BCAS3: variants seen among roughly 807,000 people sequenced by gnomAD.
BCAS3 encodes BCAS3 microtubule associated cell migration factor.
A neutral mutation model predicts 116.1 loss-of-function variants in BCAS3; 53 were observed. That is an observed-to-expected ratio of 0.46 (90% CI 0.37 to 0.57). The LOEUF (loss-of-function observed/expected upper bound fraction) is 0.57. Among genes scored for constraint, BCAS3 ranks in the 20% least tolerant of loss-of-function variants. The probability of loss-of-function intolerance (pLI) is 0.00; values close to 1 mark genes in which losing one functional copy is unlikely to be tolerated. For missense variants in BCAS3, 917 were observed against 1,165.4 expected (o/e 0.79, Z 3.10); for synonymous variants, 391 against 408.2 (o/e 0.96, Z 0.51).
In BCAS3 at chr17:61,132,284, G is replaced by A. The variant is rs8081925; in HGVS notation, c.2425+47720G>A. 0.019 allele frequency among the ~76,000 whole-genome samples: 2,896 copies of A among 152,220 alleles called. 95 individuals carry two copies. Among genetic ancestry groups the A allele is most frequent in the African/African-American group, 0.065 (2,690 of 41,518 alleles). On this transcript the variant is annotated intron_variant, in intron 22 of 23. Coordinates refer to ENST00000407086, the MANE Select transcript of BCAS3 (RefSeq NM_017679.5). This position sits in a 1 kb window ranked among gnomAD's most constrained non-coding sequence, Gnocchi z 5.1. ...CACTTGGTAATTTTAAACACAACCA[G>A]GTCAAAAGTTTCAAATCTAGTGTTA...
At chr17:61,296,156 A>C (rs2144722721) in intron 22 of BCAS3, among the ~76,000 whole-genome samples, 1 of 152,330 alleles carries the variant, frequency 6.6e-6, no homozygotes, top group South Asian at 2.1e-4. Context: ...AATGTGTATC[A>C]TTACCATAAG....
At chr17:60,879,026 C>T (rs1034754859) in intron 9 of BCAS3, among the ~76,000 whole-genome samples, 4 of 152,016 alleles carry the variant, frequency 2.6e-5, no homozygotes, top group African/African-American at 7.3e-5. Flanking sequence ...GAATCCCATG[C>T]CTGTAAGCTG....
intron 3 of BCAS3, among the ~76,000 whole-genome samples, chr17:60,686,651 G>C (rs995981398): frequency 9.2e-5 from 14 of 151,920 alleles, no homozygotes; most frequent in Non-Finnish European, 1.8e-4. Context: ...TCAGCCTCCT[G>C]AGTAGCTGGG....
At chr17:60,924,334 C>T (rs2059257014) in intron 12 of BCAS3, 73 bp from the exon 13 acceptor site, 11 of 1,291,832 alleles carry the variant, frequency 8.5e-6, no homozygotes, top group Non-Finnish European at 1.2e-5. Flanking sequence ...TGTGATGTGC[C>T]TTCTTATAGG....
At chr17:60,853,685 T>A (rs1351289068) in intron 7 of BCAS3, among the ~76,000 whole-genome samples, 1 of 152,214 alleles carries the variant, frequency 6.6e-6, no homozygotes, top group African/African-American at 2.4e-5. Context: ...CATGAGGCCA[T>A]AAGTGGTCAA....
chr17:61,340,286 G>A (rs916404993), intron 22 of BCAS3, among the ~76,000 whole-genome samples: 1 of 149,854 alleles, frequency 6.7e-6, no homozygotes, highest in Non-Finnish European at 1.5e-5. Context: ...ATACATGGAG[G>A]GATTGACCTT....
At chr17:60,885,741 AT>A (rs1390574626) in intron 9 of BCAS3, among the ~76,000 whole-genome samples, 1 of 146,480 alleles carries the variant, frequency 6.8e-6, no homozygotes, top group Non-Finnish European at 1.5e-5. Flanking sequence ...TGGGTTGAAA[AT>A]TCTTTTCTTT....
chr17:60,878,003 C>CT lies in BCAS3; in HGVS notation c.661+3274dup, dbSNP rs947863417. Among the ~76,000 whole-genome samples, 9 of 134,110 alleles carry CT rather than the reference C, an allele frequency of 6.7e-5. No individual in the cohort carries two copies. The South Asian group carries it at 8.7e-4, about 13-fold the overall frequency. The allele number at this position is 134,110 out of a possible 152,430, so 88.0% of individuals were successfully genotyped here. Reference sequence around the variant, plus strand: ...ACTATGTATATAAGCCCAGTAATGTCTTTTTTTTTCTTTTTTTTTTTTTTG... The same window carrying CT: ...ACTATGTATATAAGCCCAGTAATGTCTTTTTTTTTTCTTTTTTTTTTTTTTG... On this transcript the variant is annotated intron_variant, in intron 9 of 23. Transcript: ENST00000407086.
chr17:61,232,100 G>A (rs1158358111), intron 22 of BCAS3, among the ~76,000 whole-genome samples: 2 of 148,182 alleles, frequency 1.3e-5, no homozygotes, highest in African/African-American at 4.9e-5. Flanking sequence ...AGCTACTCGG[G>A]AGACTGAGGC....
In BCAS3 at chr17:61,381,831, C is replaced by T. The variant is rs2059618315; in HGVS notation, c.2594-10146C>T. 6.6e-6 allele frequency among the ~76,000 whole-genome samples: 1 copy of T among 152,090 alleles called. No individual in the cohort carries two copies. The highest frequency in any genetic ancestry group is 2.4e-5 in the African/African-American group (1 of 41,414). ...CTGTGAGCAGCATGTGGGACTCTAA[C>T]ACAGGAGCTGGCCAGGAGTCTTAAA... On this transcript the variant is annotated intron_variant, in intron 23 of 23. Coordinates refer to ENST00000407086, the MANE Select transcript of BCAS3 (RefSeq NM_017679.5). This position sits in a 1 kb window ranked among gnomAD's most constrained non-coding sequence, Gnocchi z 6.0.
chr17:61,239,396 TG>T lies in BCAS3; in HGVS notation c.2426-128930del, dbSNP rs1170384095. Among the ~76,000 whole-genome samples, 1 of 152,238 alleles carries T rather than the reference TG, an allele frequency of 6.6e-6. No individual in the cohort carries two copies. The highest frequency in any genetic ancestry group is 1.9e-4 in the East Asian group (1 of 5,206). ...TTCAGCTTTTTGTTTTGGGGTTTTT[TG>T]TTTTGTTTTTAATTCAATTTGCAAA... On this transcript the variant is annotated intron_variant, in intron 22 of 23. Coordinates refer to ENST00000407086, the MANE Select transcript of BCAS3 (RefSeq NM_017679.5). This position sits in a 1 kb window ranked among gnomAD's most constrained non-coding sequence, Gnocchi z 4.2.
At chr17:60,786,722 A>G (rs1191995174) in intron 6 of BCAS3, among the ~76,000 whole-genome samples, 2 of 152,158 alleles carry the variant, frequency 1.3e-5, no homozygotes, top group East Asian at 1.9e-4. Context: ...CAGTTCAGCA[A>G]TTGAAATGAA....
At chr17:60,888,945 AG>A (rs2056939760) in intron 9 of BCAS3, among the ~76,000 whole-genome samples, 1 of 152,156 alleles carries the variant, frequency 6.6e-6, no homozygotes, top group African/African-American at 2.4e-5. Flanking sequence ...AGTGCTTTTG[AG>A]CATAGCAATA....
intron 22 of BCAS3, among the ~76,000 whole-genome samples, chr17:61,202,575 G>A (rs954848303): frequency 3.3e-5 from 5 of 151,620 alleles, no homozygotes; most frequent in African/African-American, 9.7e-5. Context: ...TCTTCTAAAG[G>A]AGCTGTCTGG....
At chr17:61,322,804 G>GAGAGAGATAGAGAGAGAGAC (rs2055348074) in intron 22 of BCAS3, among the ~76,000 whole-genome samples, 1 of 128,406 alleles carries the variant, frequency 7.8e-6, no homozygotes. Flanking sequence ...CAGAGAGAGA[G>GAGAGAGATAGAGAGAGAGAC]AGAGAGAGAG....
intron 22 of BCAS3, among the ~76,000 whole-genome samples, chr17:61,212,155 G>A (rs1236246655): frequency 6.6e-6 from 1 of 152,170 alleles, no homozygotes; most frequent in African/African-American, 2.4e-5. Context: ...GCTCCTTAAG[G>A]ATTATACAAA....
chr17:61,222,001 C>T lies in BCAS3; in HGVS notation c.2425+137437C>T, dbSNP rs1043893286. ...TGGCACAGTACCTGGCACACGGTGA[C>T]GTGCTTAACAGGGGCTGATATTACT... On this transcript the variant is annotated intron_variant, in intron 22 of 23. Coordinates refer to ENST00000407086, the MANE Select transcript of BCAS3 (RefSeq NM_017679.5). This position sits in a 1 kb window ranked among gnomAD's most constrained non-coding sequence, Gnocchi z 6.1. Among the ~76,000 whole-genome samples, 10 of 152,130 alleles carry T rather than the reference C, an allele frequency of 6.6e-5. No homozygotes were observed. Among genetic ancestry groups the T allele is most frequent in the Admixed American group, 3.3e-4 (5 of 15,270 alleles).
intron 14 of BCAS3, among the ~76,000 whole-genome samples, chr17:60,959,905 T>A (rs2061332494): frequency 2.0e-5 from 3 of 152,230 alleles, no homozygotes; most frequent in Admixed American, 2.0e-4. Context: ...TATAGCCACA[T>A]CACTCAGTCT....
intron 14 of BCAS3, among the ~76,000 whole-genome samples, chr17:60,968,503 G>A (rs1021070693): frequency 1.3e-5 from 2 of 152,040 alleles, no homozygotes; most frequent in African/African-American, 4.8e-5. Flanking sequence ...TCAAGGCACT[G>A]GAATTACAAG....
Sources: allele counts gnomAD v4.1 joint callset (sites outside exome capture counted in the v4.1 genomes callset), GRCh38; gene constraint gnomAD v4.1.1; non-coding constraint Gnocchi (gnomAD v3.1); transcripts MANE v1.5; gene names NCBI Gene and HGNC (gene_info 2026-07-23, HGNC 2026-07-21).